Variants in DSCAM observed in about 807,000 individuals in gnomAD.
The protein encoded by DSCAM is DS cell adhesion molecule.
DSCAM carries 47 observed loss-of-function variants against 217.7 expected under a neutral mutation model. That is an observed-to-expected ratio of 0.22 (90% confidence interval 0.17 to 0.28). The LOEUF (loss-of-function observed/expected upper bound fraction) is 0.28. Among genes scored for constraint, DSCAM ranks in the 10% least tolerant of loss-of-function variants. The pLI, the probability that DSCAM is intolerant of heterozygous loss-of-function variation, is 1.00. For missense variants in DSCAM, 2,080 were observed against 2,618.3 expected, an observed-to-expected ratio of 0.79 and a Z score of 4.49; for synonymous variants, 1,056 against 1,015.3, an observed-to-expected ratio of 1.04 and a Z score of -0.76.
chr21:40,590,116 A>G (rs1056352773), intron 3 of DSCAM, among the ~76,000 whole-genome samples: 1 of 152,242 alleles, frequency 6.6e-6, no homozygotes, highest in Non-Finnish European at 1.5e-5. Flanking sequence ...CTCCAATGTA[A>G]CTAAGAAATA....
chr21:40,369,163 G>A lies in DSCAM; in HGVS notation c.591C>T (p.Cys197=). The change falls in exon 4 of 33, where the codon TGC becomes TGT. Residue 197 remains cysteine, a synonymous_variant. Coordinates refer to ENST00000400454, the MANE Select transcript of DSCAM (RefSeq NM_001389.5). ...QNEDGLYNYR[C]ITRHRYTGET... is the part of the protein sequence containing the mutation. ...CTCCGGTGTATCGATGCCGCGTGAT[G>A]CAGCGGTAGTTATACAATCCATCTT... 6.2e-7 allele frequency: 1 copy of A among 1,613,526 alleles called. No homozygotes were observed. The highest frequency in any genetic ancestry group is 8.5e-7 in the Non-Finnish European group (1 of 1,179,740).
chr21:40,199,558 CT>C, intron 11 of DSCAM, among the ~76,000 whole-genome samples: 1 of 152,192 alleles, frequency 6.6e-6, no homozygotes, highest in Non-Finnish European at 1.5e-5. Context: ...GTTTTAGATC[CT>C]TGAGGAATCA....
intron 3 of DSCAM, among the ~76,000 whole-genome samples, chr21:40,371,475 T>A (rs1197277118): frequency 1.3e-5 from 2 of 149,754 alleles, no homozygotes; most frequent in African/African-American, 4.9e-5. Context: ...TAGCGTGGAG[T>A]ATTTTCATTA....
intron 16 of DSCAM, among the ~76,000 whole-genome samples, chr21:40,145,991 C>A (rs960642066): frequency 8.3e-6 from 1 of 119,816 alleles, no homozygotes; most frequent in East Asian, 2.3e-4. Flanking sequence ...TGTATGTATA[C>A]ATGTACATAT....
chr21:40,595,538 AG>A (rs2077015152), intron 3 of DSCAM, among the ~76,000 whole-genome samples: 9 of 133,418 alleles, frequency 6.7e-5, no homozygotes, highest in African/African-American at 2.4e-4. Context: ...CAGTGCTTAA[AG>A]GCCCAGCCAA....
At chr21:40,200,061 C>A (rs1393737421) in intron 11 of DSCAM, among the ~76,000 whole-genome samples, 1 of 137,290 alleles carries the variant, frequency 7.3e-6, no homozygotes, top group African/African-American at 2.9e-5. Flanking sequence ...AAAAATTGGT[C>A]ATTTTGGTCA....
chr21:40,546,110 C>G (rs1341152768), intron 3 of DSCAM, among the ~76,000 whole-genome samples: 1 of 152,256 alleles, frequency 6.6e-6, no homozygotes, highest in Non-Finnish European at 1.5e-5. Context: ...CTGCATGAAA[C>G]TCAGCGGGTA....
intron 15 of DSCAM, among the ~76,000 whole-genome samples, chr21:40,168,508 A>C (rs1360412023): frequency 1.3e-5 from 2 of 152,232 alleles, no homozygotes; most frequent in African/African-American, 4.8e-5. Flanking sequence ...TCAGAGGGAA[A>C]GAATCCTTTA....
intron 3 of DSCAM, among the ~76,000 whole-genome samples, chr21:40,546,478 A>G (rs1233937334): frequency 3.3e-5 from 5 of 152,216 alleles, no homozygotes; most frequent in African/African-American, 1.2e-4. Flanking sequence ...CAAATCATGT[A>G]GACTTCTCTG....
chr21:40,825,858 T>C (rs2091964470), intron 1 of DSCAM, among the ~76,000 whole-genome samples: 1 of 152,172 alleles, frequency 6.6e-6, no homozygotes, highest in African/African-American at 2.4e-5. Context: ...CACAGAGATA[T>C]ACTGTCATTC....
chr21:40,434,905 C>T (rs2075569291), intron 3 of DSCAM, among the ~76,000 whole-genome samples: 1 of 152,166 alleles, frequency 6.6e-6, no homozygotes, highest in African/African-American at 2.4e-5. Flanking sequence ...GAGGTAGCCA[C>T]AATTAGCCTT....
chr21:40,613,512 G>A (rs1338374281), intron 3 of DSCAM, among the ~76,000 whole-genome samples: 1 of 152,158 alleles, frequency 6.6e-6, no homozygotes, highest in East Asian at 1.9e-4. Flanking sequence ...AGATTTCTCA[G>A]AAGTCTCTAA....
At chr21:40,562,332 C>T (rs145727436) in intron 3 of DSCAM, among the ~76,000 whole-genome samples, 15 of 152,264 alleles carry the variant, frequency 9.9e-5, no homozygotes, top group African/African-American at 2.4e-4. Context: ...TCTCTCAGGC[C>T]ATGTAAGATG....
chr21:40,762,331 C>T (rs1326470289), intron 1 of DSCAM, among the ~76,000 whole-genome samples: 1 of 152,134 alleles, frequency 6.6e-6, no homozygotes, highest in Admixed American at 6.5e-5. Context: ...ATACTATAAA[C>T]ACCTCTACAC....
At chr21:40,791,465 T>C (rs1316777788) in intron 1 of DSCAM, among the ~76,000 whole-genome samples, 1 of 151,924 alleles carries the variant, frequency 6.6e-6, no homozygotes, top group East Asian at 1.9e-4. Flanking sequence ...CCATCCTGGC[T>C]AACACGGTGA....
At chr21:40,381,042 G>A (rs1191873595) in intron 3 of DSCAM, among the ~76,000 whole-genome samples, 8 of 111,054 alleles carry the variant, frequency 7.2e-5, no homozygotes, top group African/African-American at 1.7e-4. Context: ...CAGCCTGGGC[G>A]ACAGAGCGAG....
At chr21:40,031,477 A>T (rs2088523132) in intron 32 of DSCAM, among the ~76,000 whole-genome samples, 1 of 152,208 alleles carries the variant, frequency 6.6e-6, no homozygotes, top group Non-Finnish European at 1.5e-5. Flanking sequence ...TTAATATCTT[A>T]AATTAACACT....
chr21:40,252,241 T>C (rs2073314739), intron 11 of DSCAM, among the ~76,000 whole-genome samples: 1 of 152,120 alleles, frequency 6.6e-6, no homozygotes. Flanking sequence ...ACATAGATAA[T>C]AAAATCAGAC....
chr21:40,369,072 GCAGA>G, intron 4 of DSCAM, 23 bp downstream of exon 4: 2 of 1,583,074 alleles, frequency 1.3e-6, no homozygotes, highest in Non-Finnish European at 1.7e-6. Context: ...AGCAGACATA[GCAGA>G]CAGAGTCTTG....
Sources: allele counts gnomAD v4.1 joint callset (sites outside exome capture counted in the v4.1 genomes callset), GRCh38; gene constraint gnomAD v4.1.1; transcripts MANE v1.5; gene names NCBI Gene and HGNC (gene_info 2026-07-23, HGNC 2026-07-21).